Variants in TMEM117 observed in about 807,000 individuals in gnomAD.
TMEM117 encodes transmembrane protein 117.
In TMEM117, 27 loss-of-function variants were observed where a neutral mutation model predicts 52.4. The observed-to-expected ratio is 0.51, with a 90% confidence interval of 0.38 to 0.71. TMEM117 has a LOEUF of 0.71. TMEM117 is among the 30% of genes least tolerant of loss of function. TMEM117 has a pLI of 0.00. For missense variants in TMEM117, 556 were observed against 630.5 expected, an observed-to-expected ratio of 0.88 and a Z score of 1.26; for synonymous variants, 215 against 206.3, an observed-to-expected ratio of 1.04 and a Z score of -0.36.
intron 4 of TMEM117, among the ~76,000 whole-genome samples, chr12:44,145,802 C>T (rs150956580): frequency 2.0e-5 from 3 of 152,330 alleles, no homozygotes; most frequent in Non-Finnish European, 2.9e-5. Flanking sequence ...TTGTCTTATA[C>T]TGAACCTGAC....
Position 44,388,094 on chromosome 12 carries a change from A to T in TMEM117, c.967A>T (p.Ile323Leu). ...ILDLNMWKNQIFYKPHEYGQY... is the reference protein window; with the variant it reads ...ILDLNMWKNQLFYKPHEYGQY... ...GGATCTTAATATGTGGAAGAACCAA[A>T]TATTTTATAAACCTCATGAATATGG... Residue 323 changes from isoleucine to leucine, a missense_variant, in exon 8 of 8, where the codon ATA (isoleucine) becomes TTA (leucine). Around this residue, in one of 3 missense-constraint regions of TMEM117, gnomAD observed 22 missense variants for 48.1 expected, o/e 0.46. Coordinates refer to ENST00000266534, the MANE Select transcript of TMEM117 (RefSeq NM_032256.3). 6.2e-7 allele frequency: 1 copy of T among 1,612,882 alleles called. No homozygotes were observed. Among genetic ancestry groups the T allele is most frequent in the Non-Finnish European group, 8.5e-7 (1 of 1,179,402 alleles).
At chr12:44,119,925 G>A (rs1480179956) in intron 3 of TMEM117, among the ~76,000 whole-genome samples, 1 of 152,190 alleles carries the variant, frequency 6.6e-6, no homozygotes, top group African/African-American at 2.4e-5. Context: ...GGGCAGTGGT[G>A]AAGGATGCTC....
intron 5 of TMEM117, among the ~76,000 whole-genome samples, chr12:44,236,187 T>TAGAGAGAG (rs200861994): frequency 7.8e-5 from 11 of 141,492 alleles, no homozygotes; most frequent in Non-Finnish European, 1.5e-4. Flanking sequence ...TATATATATA[T>TAGAGAGAG]AGAGAGAGAG....
chr12:43,958,830 A>G (rs193249257), intron 3 of TMEM117, among the ~76,000 whole-genome samples: 21 of 151,976 alleles, frequency 1.4e-4, no homozygotes, highest in Admixed American at 9.2e-4. Flanking sequence ...TTTTTGAGAC[A>G]GAGTCTCACT....
chr12:44,147,233 A>T (rs1050418149), intron 4 of TMEM117, among the ~76,000 whole-genome samples: 1 of 152,154 alleles, frequency 6.6e-6, no homozygotes, highest in African/African-American at 2.4e-5. Flanking sequence ...TGAAGCTGTA[A>T]ATAAAACAAC....
At chr12:44,117,002 A>T (rs1411011033) in intron 3 of TMEM117, among the ~76,000 whole-genome samples, 1 of 152,156 alleles carries the variant, frequency 6.6e-6, no homozygotes, top group Non-Finnish European at 1.5e-5. Context: ...CTGGCATCCA[A>T]GCTTAGAATC....
At chr12:43,881,021 GACA>G (rs1447307897) in intron 2 of TMEM117, among the ~76,000 whole-genome samples, 8 of 152,150 alleles carry the variant, frequency 5.3e-5, no homozygotes, top group African/African-American at 1.9e-4. Flanking sequence ...TTCTAAAACC[GACA>G]ACAAGGAGAT....
intron 3 of TMEM117, among the ~76,000 whole-genome samples, chr12:44,107,176 T>C (rs1947970537): frequency 6.6e-6 from 1 of 152,112 alleles, no homozygotes; most frequent in South Asian, 2.1e-4. Context: ...CTATCATCAA[T>C]TTCTACTGTA....
intron 3 of TMEM117, among the ~76,000 whole-genome samples, chr12:44,029,402 C>CAT (rs2137862640): frequency 6.6e-6 from 1 of 152,282 alleles, no homozygotes; most frequent in East Asian, 1.9e-4. Flanking sequence ...CAGGCATGTA[C>CAT]AGGATTAGGC....
At chr12:44,018,652 T>C (rs1946407957) in intron 3 of TMEM117, among the ~76,000 whole-genome samples, 2 of 152,254 alleles carry the variant, frequency 1.3e-5, no homozygotes, top group East Asian at 3.9e-4. Context: ...TAGGACCTTA[T>C]CAATATTTTA....
intron 5 of TMEM117, among the ~76,000 whole-genome samples, chr12:44,293,133 T>TA (rs1950725212): frequency 6.6e-6 from 1 of 152,048 alleles, no homozygotes; most frequent in Non-Finnish European, 1.5e-5. Flanking sequence ...ACAAAATTGT[T>TA]ACATTCTCTT....
At chr12:44,367,412 C>A (rs1303348020) in intron 6 of TMEM117, among the ~76,000 whole-genome samples, 1 of 152,112 alleles carries the variant, frequency 6.6e-6, no homozygotes, top group Non-Finnish European at 1.5e-5. Flanking sequence ...ATCATGCCTT[C>A]CCTTGTGAAA....
chr12:44,021,121 A>G (rs914285304), intron 3 of TMEM117, among the ~76,000 whole-genome samples: 5 of 152,146 alleles, frequency 3.3e-5, no homozygotes, highest in African/African-American at 1.2e-4. Flanking sequence ...AAATAAACTT[A>G]TTTTAGGATC....
intron 1 of TMEM117, among the ~76,000 whole-genome samples, chr12:43,843,822 C>G (rs1310105719): frequency 6.6e-6 from 1 of 152,180 alleles, no homozygotes; most frequent in Non-Finnish European, 1.5e-5. Context: ...AACTTACTCT[C>G]TATTGAAATT....
intron 2 of TMEM117, among the ~76,000 whole-genome samples, chr12:43,922,281 G>GCAAT (rs1944708052): frequency 3.3e-5 from 5 of 152,090 alleles, no homozygotes; most frequent in African/African-American, 1.2e-4. Context: ...TTAGAAATTG[G>GCAAT]AGCAGTAATT....
At chr12:44,132,193 T>G (rs1022898307) in intron 3 of TMEM117, among the ~76,000 whole-genome samples, 20 of 151,492 alleles carry the variant, frequency 1.3e-4, no homozygotes, top group Admixed American at 1.2e-3. Flanking sequence ...TCAGGTTTTT[T>G]TTTTTTTTTT....
At chr12:44,222,492 C>T (rs1420442291) in intron 5 of TMEM117, among the ~76,000 whole-genome samples, 1 of 152,156 alleles carries the variant, frequency 6.6e-6, no homozygotes, top group African/African-American at 2.4e-5. Flanking sequence ...TCAGAGAAGC[C>T]CTGATGCACC....
intron 2 of TMEM117, among the ~76,000 whole-genome samples, chr12:43,930,866 C>A (rs1944860428): frequency 6.6e-6 from 1 of 152,056 alleles, no homozygotes; most frequent in East Asian, 1.9e-4. Context: ...GGCCTCATTG[C>A]AGGAAGGAGG....
At chr12:44,048,740 C>T (rs905497114) in intron 3 of TMEM117, among the ~76,000 whole-genome samples, 1 of 152,106 alleles carries the variant, frequency 6.6e-6, no homozygotes, top group African/African-American at 2.4e-5. Flanking sequence ...GCCAAGACAG[C>T]GTGGGTGTAT....
Sources: allele counts gnomAD v4.1 joint callset (sites outside exome capture counted in the v4.1 genomes callset), GRCh38; gene constraint gnomAD v4.1.1; regional missense constraint gnomAD v4.1.1; transcripts MANE v1.5; gene names NCBI Gene and HGNC (gene_info 2026-07-23, HGNC 2026-07-21).